GRIA2: variants seen among roughly 807,000 people sequenced by gnomAD.
GRIA2 encodes the protein glutamate ionotropic receptor AMPA type subunit 2, also known as glutamate receptor 2.
Under a neutral mutation model 97.3 loss-of-function variants are expected in GRIA2, and 14 were observed. That is an observed-to-expected ratio of 0.14 (90% CI 0.10 to 0.23). The LOEUF is 0.23. GRIA2 is among the 10% of genes least tolerant of loss of function. The probability of loss-of-function intolerance (pLI) is 1.00; values close to 1 mark genes in which losing one functional copy is unlikely to be tolerated. For synonymous variants in GRIA2, 412 were observed against 387.8 expected, an observed-to-expected ratio of 1.06 and a Z score of -0.73; for missense variants, 558 against 1,069.8, an observed-to-expected ratio of 0.52 and a Z score of 6.67.
At chr4:157,308,060 A>C (rs1733918653) in intron 3 of GRIA2, among the ~76,000 whole-genome samples, 2 of 152,248 alleles carry the variant, frequency 1.3e-5, no homozygotes, top group Non-Finnish European at 2.9e-5. Context: ...ACATGGTTTG[A>C]ATAAAATGTA....
rs1368585585 is a variant in GRIA2, at chr4:157,364,479, A to G, written c.*1048A>G. 1 of 151,650 alleles carries G rather than the reference A, an allele frequency of 6.6e-6. No homozygotes were observed. The highest frequency in any genetic ancestry group is 1.5e-5 in the Non-Finnish European group (1 of 67,804). The allele number at this position is 151,650 out of a possible 1,614,324, so 9.4% of individuals were successfully genotyped here. A position where few individuals can be genotyped will look rare whatever the true frequency, so the allele number is the denominator to read the frequency against. On this transcript the variant is annotated 3_prime_UTR_variant, in exon 16 of 16. Transcript: ENST00000264426. ...TTTTGACATGTCTAAATATATATAT[A>G]TATAAAGAAATATTTGTTAACACAA...
intron 2 of GRIA2, among the ~76,000 whole-genome samples, chr4:157,252,340 G>C (rs980769924): frequency 6.6e-6 from 1 of 152,096 alleles, no homozygotes; most frequent in African/African-American, 2.4e-5. Flanking sequence ...AATGACTGAT[G>C]AACTAGGGTT....
At chr4:157,235,551 A>C (rs1024757528) in intron 2 of GRIA2, among the ~76,000 whole-genome samples, 4 of 152,102 alleles carry the variant, frequency 2.6e-5, no homozygotes, top group Non-Finnish European at 4.4e-5. Flanking sequence ...AACATAAAAA[A>C]GATTCTCAAT....
chr4:157,274,046 A>T (rs35219890), intron 2 of GRIA2, among the ~76,000 whole-genome samples: 2,029 of 152,234 alleles, frequency 0.013, 28 homozygotes, highest in South Asian at 0.052. Flanking sequence ...AACCATGTAA[A>T]CAAGAGGAGA....
At chr4:157,325,393 A>T (rs1477831435) in intron 6 of GRIA2, among the ~76,000 whole-genome samples, 1 of 152,174 alleles carries the variant, frequency 6.6e-6, no homozygotes, top group African/African-American at 2.4e-5. Flanking sequence ...TTGGGGCAAC[A>T]TTCATTCATT....
At chr4:157,316,304 G>C (rs963129354) in intron 4 of GRIA2, among the ~76,000 whole-genome samples, 2 of 152,058 alleles carry the variant, frequency 1.3e-5, no homozygotes, top group African/African-American at 2.4e-5. Context: ...TCTTGGAAAA[G>C]GCAATTTAGT....
intron 2 of GRIA2, among the ~76,000 whole-genome samples, chr4:157,266,290 C>A (rs1268269599): frequency 6.6e-6 from 1 of 152,008 alleles, no homozygotes; most frequent in Non-Finnish European, 1.5e-5. Context: ...ACTATGATTG[C>A]GGATGAGAGT....
At chr4:157,344,443 G>T (rs1222358233) in intron 12 of GRIA2, among the ~76,000 whole-genome samples, 1 of 152,078 alleles carries the variant, frequency 6.6e-6, no homozygotes, top group Non-Finnish European at 1.5e-5. Context: ...GCCTGACCAG[G>T]AAAGGGTTAT....
intron 7 of GRIA2, 55 bp from the exon 8 acceptor site, chr4:157,333,194 A>G (rs953443263): frequency 6.7e-6 from 7 of 1,044,798 alleles, no homozygotes; most frequent in Non-Finnish European, 1.0e-5. Context: ...TGTACAGTGT[A>G]TATGTTTGGT....
At chr4:157,260,020 G>A (rs755233836) in intron 2 of GRIA2, among the ~76,000 whole-genome samples, 2 of 152,074 alleles carry the variant, frequency 1.3e-5, no homozygotes, top group Admixed American at 6.6e-5. Context: ...ACAAGTCTAT[G>A]TCATAACAGA....
chr4:157,245,049 A>G (rs1465306737), intron 2 of GRIA2, among the ~76,000 whole-genome samples: 1 of 152,066 alleles, frequency 6.6e-6, no homozygotes, highest in Non-Finnish European at 1.5e-5. Context: ...ATTTCTAAAA[A>G]TTTATATTTT....
intron 2 of GRIA2, among the ~76,000 whole-genome samples, chr4:157,299,545 G>A (rs1392917673): frequency 2.0e-5 from 3 of 152,094 alleles, no homozygotes; most frequent in Non-Finnish European, 4.4e-5. Context: ...AGGCTATTTA[G>A]ATTTTGTTCA....
chr4:157,283,397 T>C lies in GRIA2; in HGVS notation c.230-20155T>C, dbSNP rs1396860340. Among the ~76,000 whole-genome samples the C allele has an allele frequency of 2.0e-5, 3 of 151,940 alleles. No individual in the cohort carries two copies. The Admixed American group carries it at 2.0e-4, about 10-fold the overall frequency. Reference sequence around the variant, plus strand: ...GAAAATATTAGATCCATAATGAGTGTGAGGAAGACCCACAAAGGAAATTAC... The same window carrying C: ...GAAAATATTAGATCCATAATGAGTGCGAGGAAGACCCACAAAGGAAATTAC... On this transcript the variant is annotated intron_variant, in intron 2 of 15. Transcript: ENST00000264426.
intron 2 of GRIA2, among the ~76,000 whole-genome samples, chr4:157,232,964 A>G (rs1183624336): frequency 1.3e-5 from 2 of 152,212 alleles, no homozygotes; most frequent in Admixed American, 6.5e-5. Context: ...CAAGATACGC[A>G]TTAGTCATAA....
intron 11 of GRIA2, among the ~76,000 whole-genome samples, chr4:157,337,539 C>T (rs1210089980): frequency 6.6e-6 from 1 of 152,020 alleles, no homozygotes; most frequent in Admixed American, 6.6e-5. Flanking sequence ...GTGTGATTAA[C>T]ATTTTAAGTC....
At position 157,317,725 on chromosome 4, in the gene GRIA2, T is replaced by C. The variant is rs935780917; in HGVS notation, c.720+14T>C. On this transcript the variant is annotated intron_variant, in intron 5 of 15. Coordinates refer to ENST00000264426, the MANE Select transcript of GRIA2 (RefSeq NM_001083619.3). ...ATTGCAAATCTGGTAGGTGAATTAA[T>C]TGGTATATATTATTTTACTAGATAT... 6 of 1,069,300 alleles carry C rather than the reference T, an allele frequency of 5.6e-6. No homozygotes were observed. The highest frequency in any genetic ancestry group is 8.6e-6 in the Non-Finnish European group (6 of 695,076). The allele number at this position is 1,069,300 out of a possible 1,614,324, so 66.2% of individuals were successfully genotyped here. A position where few individuals can be genotyped will look rare whatever the true frequency, so the allele number is the denominator to read the frequency against.
In GRIA2 at chr4:157,336,007, G is replaced by A. The variant is rs1735268387; in HGVS notation, c.1473+130G>A. On this transcript the variant is annotated intron_variant, in intron 10 of 15. Transcript: ENST00000264426. ...CACATTACTCTAGAAACATTATCTT[G>A]TTGATTTGTGAACATCTGAAAGATT... 8.7e-6 allele frequency: 6 copies of A among 693,120 alleles called. 1 individual carries two copies. The East Asian group carries it at 1.1e-4, about 13-fold the overall frequency. The allele number at this position is 693,120 out of a possible 1,614,324, so 42.9% of individuals were successfully genotyped here.
chr4:157,272,602 A>T lies in GRIA2; in HGVS notation c.230-30950A>T, dbSNP rs182418808. Among the ~76,000 whole-genome samples the T allele has an allele frequency of 6.6e-5, 10 of 152,222 alleles. No homozygotes were observed. The East Asian group carries it at 1.9e-3, about 29-fold the overall frequency. ...CCTTCTAGAGTTCTACCAGATTCTC[A>T]CAGTGAATATCAGAGAAAAATCCTC... is the stretch of plus-strand genomic sequence containing the variant. On this transcript the variant is annotated intron_variant, in intron 2 of 15. Coordinates refer to ENST00000264426, the MANE Select transcript of GRIA2 (RefSeq NM_001083619.3).
chr4:157,334,870 G>A (rs868446967), intron 9 of GRIA2: 1 of 152,062 alleles, frequency 6.6e-6, no homozygotes, highest in Non-Finnish European at 1.5e-5. Context: ...AGATTGGTAA[G>A]GGATTTGAAT....
Sources: gnomAD v4.1 joint callset for allele counts (sites outside exome capture counted in the v4.1 genomes callset) on GRCh38, gnomAD v4.1.1 for gene constraint, MANE v1.5 for transcripts, NCBI Gene and HGNC (gene_info 2026-07-23, HGNC 2026-07-21) for gene names.